The following FAT2 variants were observed in gnomAD, a reference collection of about 807,000 sequenced individuals.
FAT2 encodes the protein protocadherin Fat 2.
In FAT2, 150 loss-of-function variants were observed where a neutral mutation model predicts 295.3. The ratio of observed to expected loss-of-function variants is 0.51; its 90% CI spans 0.44 to 0.58. The LOEUF (loss-of-function observed/expected upper bound fraction) is 0.58, where lower values mean the gene tolerates loss of function less well. Among genes scored for constraint, FAT2 ranks in the 20% least tolerant of loss-of-function variants. The pLI is 0.00. For synonymous variants in FAT2, 2,026 were observed against 2,150.3 expected, an observed-to-expected ratio of 0.94 and a Z score of 1.60; for missense variants, 4,868 against 5,442.7, an observed-to-expected ratio of 0.89 and a Z score of 3.32.
chr5:151,519,898 C>G (rs1753265684), intron 19 of FAT2, among the ~76,000 whole-genome samples: 1 of 150,692 alleles, frequency 6.6e-6, no homozygotes, highest in South Asian at 2.1e-4. Flanking sequence ...AAATTAAAAC[C>G]TCTGGAGGTG....
intron 1 of FAT2, among the ~76,000 whole-genome samples, chr5:151,579,185 T>C (rs1758851881): frequency 6.6e-6 from 1 of 152,190 alleles, no homozygotes; most frequent in South Asian, 2.1e-4. Context: ...AGATCTATTG[T>C]ACAACATGGT....
chr5:151,588,449 A>G (rs1460795436), intron 1 of FAT2, among the ~76,000 whole-genome samples: 1 of 152,104 alleles, frequency 6.6e-6, no homozygotes, highest in Non-Finnish European at 1.5e-5. Flanking sequence ...ACCGTTACCA[A>G]CTGTCTGACT....
At position 151,568,284 on chromosome 5, in the gene FAT2, C is replaced by T. The variant is rs2127649745; in HGVS notation, c.648G>A (p.Lys216=). ...CCACAGCTAGCACCTGGAGCTCATG[C>T]TTTCCTCGCCAGGTGACGTTAAGCT... ...AGKLNVTWRG[K]HELQVLAVDR... The change falls in exon 2 of 24, where the codon AAG becomes AAA. Residue 216 remains lysine (K), a synonymous_variant. Transcript: ENST00000261800. The T allele has an allele frequency of 6.2e-7, 1 of 1,614,230 alleles. No homozygotes were observed. Among genetic ancestry groups the T allele is most frequent in the Non-Finnish European group, 8.5e-7 (1 of 1,180,038 alleles).
intron 2 of FAT2, 43 bp from the exon 3 acceptor site, chr5:151,563,682 A>G: frequency 6.4e-7 from 1 of 1,563,434 alleles, no homozygotes; most frequent in Non-Finnish European, 8.8e-7. Context: ...TTTAGAGCTC[A>G]AAGTGGCTTT....
chr5:151,538,450 C>G (rs1275138634), intron 11 of FAT2, among the ~76,000 whole-genome samples: 1 of 152,202 alleles, frequency 6.6e-6, no homozygotes, highest in Non-Finnish European at 1.5e-5. Flanking sequence ...ACCTTTGAGT[C>G]AGGTCTGGAC....
intron 2 of FAT2, 26 bp downstream of exon 2, chr5:151,565,647 A>ACCGCCCCCCCCC: frequency 3.4e-6 from 5 of 1,461,024 alleles, no homozygotes; most frequent in Non-Finnish European, 3.7e-6. Flanking sequence ...TGGCCCTGGC[A>ACCGCCCCCCCCC]CCCCACCCTA....
upstream of FAT2, among the ~76,000 whole-genome samples, chr5:151,591,389 C>A (rs1469905796): frequency 6.6e-6 from 1 of 152,190 alleles, no homozygotes; most frequent in Non-Finnish European, 1.5e-5. Context: ...GGCGGATCAT[C>A]CCCTCCTGCC....
At chr5:151,528,610 G>A (rs1012849044) in intron 15 of FAT2, among the ~76,000 whole-genome samples, 2 of 152,146 alleles carry the variant, frequency 1.3e-5, no homozygotes, top group African/African-American at 4.8e-5. Flanking sequence ...AAGTGCAGAC[G>A]ATGTTTTGGG....
chr5:151,537,743 G>A, intron 12 of FAT2, 50 bp downstream of exon 12: 1 of 1,557,646 alleles, frequency 6.4e-7, no homozygotes, highest in Non-Finnish European at 8.7e-7. Flanking sequence ...TGGGCACTTG[G>A]TATTCAGTAA....
chr5:151,506,197 G>C (rs1760859346), intron 23 of FAT2, 100 bp from the exon 24 acceptor site: 1 of 1,294,994 alleles, frequency 7.7e-7, no homozygotes, highest in Admixed American at 2.8e-5. Flanking sequence ...GGTGGAGATG[G>C]GAGTGGGTGG....
In FAT2 at chr5:151,566,284, C is replaced by G. The variant is rs147663319; in HGVS notation, c.2648G>C (p.Arg883Pro). The change falls in exon 2 of 24, where the codon CGC (arginine) becomes CCC (proline). Residue 883 changes from arginine (R) to proline (P), a missense_variant. Arg to Pro is a moderately radical substitution (Grantham distance 103). Coordinates refer to ENST00000261800, the MANE Select transcript of FAT2 (RefSeq NM_001447.3). ...GAGTATGTACCGAGGCTCTGATTCG[C>G]GGTCCAGGTGTCCTGTAACAACCAG... The part of the protein sequence containing the change: ...GELVVTGHLD[R>P]ESEPRYILKV... 1 of 1,614,108 alleles carries G rather than the reference C, an allele frequency of 6.2e-7. No homozygotes were observed. The highest frequency in any genetic ancestry group is 8.5e-7 in the Non-Finnish European group (1 of 1,180,014).
Position 151,528,137 on chromosome 5 carries a change from C to A in FAT2, c.10027-4G>T. On this transcript the variant is annotated splice_polypyrimidine_tract_variant and splice_region_variant and intron_variant, in intron 15 of 23. Transcript: ENST00000261800. ...CATCTTCATCAGTCGCTGATACCTG[C>A]GGTGGGGTAGGGGGATTGTGAATGG... 1 of 1,613,458 alleles carries A rather than the reference C, an allele frequency of 6.2e-7. No individual in the cohort carries two copies. Among genetic ancestry groups the A allele is most frequent in the Non-Finnish European group, 8.5e-7 (1 of 1,179,670 alleles).
intron 13 of FAT2, among the ~76,000 whole-genome samples, chr5:151,533,512 C>A (rs1303139101): frequency 6.6e-6 from 1 of 151,858 alleles, no homozygotes; most frequent in Admixed American, 6.6e-5. Flanking sequence ...CCTCGAATAT[C>A]TCACCTCCTT....
In FAT2 at chr5:151,546,093, T is replaced by TG. The variant is rs781065677; in HGVS notation, c.5033dup (p.Ile1679AsnfsTer11). 6.2e-7 allele frequency: 1 copy of TG among 1,614,156 alleles called. No homozygotes were observed. On this transcript the variant is annotated frameshift_variant, in exon 10 of 24. Transcript: ENST00000261800. LOFTEE classifies it high-confidence loss of function. The stretch of plus-strand genomic sequence containing the variant: ...GGCTCATAGCAGAGACAAGGAGGAT[T>TG]GGGGAACCAACAGGGATTGATTCAG...
intron 18 of FAT2, 80 bp from the exon 19 acceptor site, chr5:151,522,166 G>GGGCAGAGAAACGTAGCTCCACA: frequency 8.4e-7 from 1 of 1,189,046 alleles, no homozygotes; most frequent in Non-Finnish European, 1.2e-6. Context: ...CCTCCTTGTG[G>GGGCAGAGAAACGTAGCTCCACA]AGCTACGTTT....
At chr5:151,582,385 C>T (rs542933147) in intron 1 of FAT2, among the ~76,000 whole-genome samples, 1 of 152,272 alleles carries the variant, frequency 6.6e-6, no homozygotes, top group South Asian at 2.1e-4. Flanking sequence ...CAAAGCTGGC[C>T]GGTGGATTGA....
intron 1 of FAT2, among the ~76,000 whole-genome samples, chr5:151,581,785 C>T (rs1758966485): frequency 6.6e-6 from 1 of 152,186 alleles, no homozygotes; most frequent in South Asian, 2.1e-4. Context: ...TCCCCATGCC[C>T]ATGGGTTAGA....
Position 151,543,446 on chromosome 5 carries a change from C to G in FAT2, c.7681G>C (p.Asp2561His). 1 of 1,614,190 alleles carries G rather than the reference C, an allele frequency of 6.2e-7. No individual in the cohort carries two copies. The highest frequency in any genetic ancestry group is 8.5e-7 in the Non-Finnish European group (1 of 1,180,030). The part of the protein sequence containing the change: ...RVIAIKVMAR[D>H]GGGRVAFCTV... ...CAGAAGGCTACTCTTCCTCCTCCAT[C>G]CCGAGCCATGACCTTAATAGCAATG... Residue 2561 changes from aspartate (D) to histidine (H), a missense_variant, in exon 10 of 24, where the codon GAT becomes CAT. By Grantham distance (81) the Asp-to-His change is moderately conservative. This residue lies in a region of FAT2 where 3,297 missense variants were observed against 3,669.4 expected (regional missense o/e 0.90). Coordinates refer to ENST00000261800, the MANE Select transcript of FAT2 (RefSeq NM_001447.3).
At chr5:151,553,588 G>A (rs1464617835) in intron 5 of FAT2, among the ~76,000 whole-genome samples, 3 of 152,188 alleles carry the variant, frequency 2.0e-5, no homozygotes, top group Non-Finnish European at 4.4e-5. Context: ...TGAACAAAAC[G>A]TATAACCTGT....
Sources: allele counts gnomAD v4.1 joint callset (sites outside exome capture counted in the v4.1 genomes callset), GRCh38; gene constraint gnomAD v4.1.1; regional missense constraint gnomAD v4.1.1; transcripts MANE v1.5; gene names NCBI Gene and HGNC (gene_info 2026-07-23, HGNC 2026-07-21).